The following AADACL2 variants were observed in gnomAD, a reference collection of about 807,000 sequenced individuals.
AADACL2 encodes the protein arylacetamide deacetylase like 2, also known as arylacetamide deacetylase-like 2.
Under a neutral mutation model 22.3 loss-of-function variants are expected in AADACL2, and 23 were observed. The observed-to-expected ratio is 1.03, with a 90% confidence interval of 0.74 to 1.46. The LOEUF is 1.46. Ranked by LOEUF, AADACL2 falls within the 40% of genes most tolerant of loss-of-function variation. The pLI is 0.00. For synonymous variants in AADACL2, 177 were observed against 166.2 expected, an observed-to-expected ratio of 1.07 and a Z score of -0.50; for missense variants, 472 against 482.9, an observed-to-expected ratio of 0.98 and a Z score of 0.21.
chr3:151,745,754 T>A (rs1274789405), intron 4 of AADACL2, 74 bp downstream of exon 4: 1 of 1,428,352 alleles, frequency 7.0e-7, no homozygotes, highest in Admixed American at 2.4e-5. Context: ...ATTCAGTTCT[T>A]CCCCCACCAT....
chr3:151,747,458 C>T (rs961281519), intron 4 of AADACL2, among the ~76,000 whole-genome samples: 19 of 152,090 alleles, frequency 1.2e-4, no homozygotes, highest in African/African-American at 4.6e-4. Context: ...CTATCCACTT[C>T]TAGGGGTTTA....
chr3:151,744,045 A>T (rs1421244363), intron 2 of AADACL2, 48 bp from the exon 3 acceptor site: 5 of 1,576,396 alleles, frequency 3.2e-6, no homozygotes, highest in Non-Finnish European at 4.4e-6. Context: ...CTGTTTCTAT[A>T]GCTTTTTAAT....
rs1415151131 is a variant in AADACL2, at chr3:151,760,652, G to C, written c.*3058G>C. ...CTCCAAACAGCGCCACATCCTAAAG[G>C]AAATTTCTAGGTTTTTCTGCTGAAA... On this transcript the variant is annotated 3_prime_UTR_variant, in exon 5 of 5. Transcript: ENST00000356517. The C allele has an allele frequency of 6.6e-6, 1 of 152,224 alleles. No homozygotes were observed. Among genetic ancestry groups the C allele is most frequent in the Non-Finnish European group, 1.5e-5 (1 of 68,024 alleles). 9.4% of individuals were successfully genotyped at this position (152,224 alleles called of 1,614,324 possible).
rs754347488 is a variant in AADACL2, at chr3:151,740,860, G to A, written c.353G>A (p.Gly118Glu). Residue 118 changes from glycine to glutamate, a missense_variant, in exon 2 of 5, where the codon GGA (glycine) becomes GAA (glutamate). By Grantham distance (98) the Gly-to-Glu change is moderately conservative. Transcript: ENST00000356517. Reference sequence around the variant, plus strand: ...TTTCATGGTGGTGGTTTTTGTTTTGGAAGTTCCAGTAAGTTCATTGTATAA... The same window carrying A: ...TTTCATGGTGGTGGTTTTTGTTTTGAAAGTTCCAGTAAGTTCATTGTATAA... Reference protein sequence around the residue: ...IYFHGGGFCFGSSKQRAFDFL... With the variant: ...IYFHGGGFCFESSKQRAFDFL... 13 of 1,613,740 alleles carry A rather than the reference G, an allele frequency of 8.1e-6. No individual in the cohort carries two copies. In the South Asian group the frequency reaches 1.4e-4, roughly 18 times the overall value.
chr3:151,749,170 A>C (rs1713561480), intron 4 of AADACL2, among the ~76,000 whole-genome samples: 1 of 152,140 alleles, frequency 6.6e-6, no homozygotes, highest in South Asian at 2.1e-4. Context: ...AAACATGGTT[A>C]ATCTTTTCAT....
chr3:151,756,346 C>A lies in AADACL2; in HGVS notation c.604-646C>A, dbSNP rs1226789737. Among the ~76,000 whole-genome samples the A allele has an allele frequency of 2.6e-5, 4 of 152,014 alleles. No homozygotes were observed. The East Asian group carries it at 7.7e-4, about 29-fold the overall frequency. On this transcript the variant is annotated intron_variant, in intron 4 of 4. Transcript: ENST00000356517. ...TGCACATCGATTTTTTCATAATTTT[C>A]TCCCTTTGTTTCTCCAACACTGCAT...
At chr3:151,746,905 G>T (rs1015862598) in intron 4 of AADACL2, among the ~76,000 whole-genome samples, 18 of 145,440 alleles carry the variant, frequency 1.2e-4, no homozygotes, top group African/African-American at 3.8e-4. Context: ...TTTTTGTCAG[G>T]TTTTTTTTTT....
chr3:151,750,940 T>C (rs900681628), intron 4 of AADACL2, among the ~76,000 whole-genome samples: 5 of 152,210 alleles, frequency 3.3e-5, no homozygotes, highest in Non-Finnish European at 7.3e-5. Context: ...CCTTTGGTTC[T>C]ATACCTGGGC....
chr3:151,742,653 G>T (rs776541704), intron 2 of AADACL2, among the ~76,000 whole-genome samples: 1 of 152,106 alleles, frequency 6.6e-6, no homozygotes, highest in Non-Finnish European at 1.5e-5. Context: ...TGAGAAAAGG[G>T]TGGTCACACA....
At chr3:151,748,364 GAA>G (rs146484293) in intron 4 of AADACL2, among the ~76,000 whole-genome samples, 6,058 of 152,090 alleles carry the variant, frequency 0.04, 402 homozygotes, top group African/African-American at 0.14. Context: ...ATTATTTATT[GAA>G]AAGACTGTCT....
chr3:151,736,692 T>C (rs1262606111), intron 1 of AADACL2, among the ~76,000 whole-genome samples: 1 of 152,198 alleles, frequency 6.6e-6, no homozygotes. Context: ...TCATGGCTTA[T>C]ATGTGCCATA....
At chr3:151,752,145 T>C (rs1169096042) in intron 4 of AADACL2, among the ~76,000 whole-genome samples, 1 of 152,220 alleles carries the variant, frequency 6.6e-6, no homozygotes, top group African/African-American at 2.4e-5. Context: ...ACTGTGTTTA[T>C]TTTGGGTCAT....
chr3:151,747,618 T>TTGTGTG (rs149912523), intron 4 of AADACL2, among the ~76,000 whole-genome samples: 10 of 148,322 alleles, frequency 6.7e-5, no homozygotes, highest in African/African-American at 2.0e-4. Context: ...TTGTGTGTGT[T>TTGTGTG]TGTGTGTGTG....
At chr3:151,734,846 C>A (rs769899070) in intron 1 of AADACL2, among the ~76,000 whole-genome samples, 2 of 152,144 alleles carry the variant, frequency 1.3e-5, no homozygotes, top group Admixed American at 1.3e-4. Flanking sequence ...TTGAGAAGAA[C>A]ATATGCAGGT....
chr3:151,737,372 T>C (rs1423278915), intron 1 of AADACL2, among the ~76,000 whole-genome samples: 1 of 152,144 alleles, frequency 6.6e-6, no homozygotes, highest in Non-Finnish European at 1.5e-5. Context: ...AGGAGTGTTT[T>C]TTCTTCCAAT....
At chr3:151,736,726 G>C (rs984868196) in intron 1 of AADACL2, among the ~76,000 whole-genome samples, 9 of 152,168 alleles carry the variant, frequency 5.9e-5, no homozygotes, top group Admixed American at 5.9e-4. Flanking sequence ...TTCTATCATT[G>C]ATGTGCATTT....
chr3:151,743,975 T>C, intron 2 of AADACL2, 118 bp from the exon 3 acceptor site: 2 of 973,390 alleles, frequency 2.1e-6, no homozygotes, highest in African/African-American at 1.6e-5. Context: ...AAATGGGGGG[T>C]GGAAATAAAA....
At chr3:151,734,295 T>G (rs1265733812) in intron 1 of AADACL2, 122 bp downstream of exon 1, 3 of 1,122,242 alleles carry the variant, frequency 2.7e-6, no homozygotes, top group Admixed American at 5.8e-5. Context: ...CATTGCTTGT[T>G]TGAGTAAATT....
chr3:151,736,489 G>A (rs796770466), intron 1 of AADACL2, among the ~76,000 whole-genome samples: 30 of 151,994 alleles, frequency 2.0e-4, no homozygotes, highest in African/African-American at 6.8e-4. Flanking sequence ...CCTGCCTCCC[G>A]ACAGGCCCTG....
Sources: allele counts gnomAD v4.1 joint callset (sites outside exome capture counted in the v4.1 genomes callset), GRCh38; gene constraint gnomAD v4.1.1; transcripts MANE v1.5; gene names NCBI Gene and HGNC (gene_info 2026-07-23, HGNC 2026-07-21).